ANKRD17: variants seen among roughly 807,000 people sequenced by gnomAD.
ANKRD17 encodes ankyrin repeat domain 17.
In ANKRD17, 19 loss-of-function variants were observed where a neutral mutation model predicts 229.7. That is an observed-to-expected ratio of 0.08 (90% CI 0.06 to 0.12). The LOEUF (loss-of-function observed/expected upper bound fraction) is 0.12, where lower values mean the gene tolerates loss of function less well. Among genes scored for constraint, ANKRD17 ranks in the 10% least tolerant of loss-of-function variants. ANKRD17 has a pLI of 1.00. For synonymous variants in ANKRD17, 1,112 were observed against 1,146.1 expected, an observed-to-expected ratio of 0.97 and a Z score of 0.60; for missense variants, 2,176 against 3,176.8, an observed-to-expected ratio of 0.68 and a Z score of 7.57.
At chr4:73,092,496 C>A (rs1162121846) in intron 28 of ANKRD17, among the ~76,000 whole-genome samples, 196 bp from the exon 29 acceptor site, 4 of 152,082 alleles carry the variant, frequency 2.6e-5, no homozygotes, top group Admixed American at 2.6e-4. Context: ...ACAAACAAAG[C>A]AATAAACTGT....
At chr4:73,239,635 C>A (rs544292250) in intron 1 of ANKRD17, among the ~76,000 whole-genome samples, 22 of 152,110 alleles carry the variant, frequency 1.4e-4, no homozygotes, top group Admixed American at 3.3e-4. Flanking sequence ...CATACACTTA[C>A]AATTTACACC....
At chr4:73,155,254 C>T (rs180805940) in intron 5 of ANKRD17, among the ~76,000 whole-genome samples, 1 of 152,032 alleles carries the variant, frequency 6.6e-6, no homozygotes, top group South Asian at 2.1e-4. Flanking sequence ...CAGTAGGAAA[C>T]AATGAACTAT....
At chr4:73,080,230 T>C (rs1373475319) in intron 30 of ANKRD17, among the ~76,000 whole-genome samples, 2 of 152,080 alleles carry the variant, frequency 1.3e-5, no homozygotes, top group East Asian at 1.9e-4. Flanking sequence ...AGAACTGCAG[T>C]TGAATTCCAA....
chr4:73,105,722 T>A (rs1435406685), intron 24 of ANKRD17, among the ~76,000 whole-genome samples: 1 of 152,204 alleles, frequency 6.6e-6, no homozygotes, highest in African/African-American at 2.4e-5. Context: ...GACCTAAGAT[T>A]TAATTTAAAA....
chr4:73,230,685 C>T (rs983596879), intron 1 of ANKRD17, among the ~76,000 whole-genome samples: 18 of 152,152 alleles, frequency 1.2e-4, no homozygotes, highest in Admixed American at 1.3e-4. Context: ...AGATACAAAA[C>T]GCTTCATCCA....
At chr4:73,096,688 A>C (rs1723337587) in intron 27 of ANKRD17, among the ~76,000 whole-genome samples, 1 of 152,184 alleles carries the variant, frequency 6.6e-6, no homozygotes, top group African/African-American at 2.4e-5. Flanking sequence ...TATTATTTTT[A>C]AAATCCCATG....
At chr4:73,257,540 A>G (rs1459668420) in intron 1 of ANKRD17, among the ~76,000 whole-genome samples, 1 of 152,238 alleles carries the variant, frequency 6.6e-6, no homozygotes, top group Non-Finnish European at 1.5e-5. Flanking sequence ...GAAGGCATGT[A>G]TGTATGTACG....
chr4:73,092,111 A>C lies in ANKRD17; in HGVS notation c.5517T>G (p.Thr1839=). ...TTTGAGATGTTGATGACAGAGCTAC[A>C]GTTGTCATTTTAATTCCCATTAAGG... ...NTSLMGIKMT[T]VALSSTSQTA... is the part of the protein sequence containing the mutation. Residue 1839 remains threonine, a synonymous_variant, in exon 29 of 34, where the codon ACT becomes ACG. Transcript: ENST00000358602. The C allele has an allele frequency of 6.2e-7, 1 of 1,614,206 alleles. No homozygotes were observed. The highest frequency in any genetic ancestry group is 8.5e-7 in the Non-Finnish European group (1 of 1,180,028).
chr4:73,187,253 A>G (rs1736423360), intron 1 of ANKRD17, among the ~76,000 whole-genome samples: 1 of 152,228 alleles, frequency 6.6e-6, no homozygotes, highest in South Asian at 2.1e-4. Context: ...CATTTTCTGA[A>G]TTTAGAGAAA....
chr4:73,142,528 A>C, intron 12 of ANKRD17, 112 bp downstream of exon 12: 3 of 1,584,250 alleles, frequency 1.9e-6, no homozygotes, highest in Non-Finnish European at 2.6e-6. Context: ...AAAAAGGAGA[A>C]AATTTACACT....
intron 30 of ANKRD17, among the ~76,000 whole-genome samples, chr4:73,080,180 C>A (rs1388658194): frequency 5.9e-5 from 9 of 151,862 alleles, no homozygotes; most frequent in Non-Finnish European, 1.3e-4. Context: ...ATAAAGGAGT[C>A]TGAAGCTTAA....
At position 73,134,317 on chromosome 4, in the gene ANKRD17, A is replaced by G. The variant is rs986338330; in HGVS notation, c.3234+800T>C. ...AAAGAAATAATCATATATAAAATTA[A>G]AAGTTTTATAATGTACACACCCCAG... is the stretch of plus-strand genomic sequence containing the variant. On this transcript the variant is annotated intron_variant, in intron 16 of 33. Coordinates refer to ENST00000358602, the MANE Select transcript of ANKRD17 (RefSeq NM_032217.5). Among the ~76,000 whole-genome samples the G allele has an allele frequency of 3.3e-5, 5 of 152,274 alleles. No individual in the cohort carries two copies. In the South Asian group the frequency reaches 6.2e-4, roughly 19 times the overall value.
intron 1 of ANKRD17, among the ~76,000 whole-genome samples, chr4:73,196,782 C>T (rs1013694760): frequency 6.6e-6 from 1 of 152,098 alleles, no homozygotes; most frequent in African/African-American, 2.4e-5. Context: ...TGTTTGCTAT[C>T]TTAGCTTATT....
chr4:73,245,347 C>T (rs888576231), intron 1 of ANKRD17, among the ~76,000 whole-genome samples: 10 of 152,206 alleles, frequency 6.6e-5, no homozygotes, highest in Non-Finnish European at 1.2e-4. Context: ...AGTTCCTAAT[C>T]AACTGACTTT....
At chr4:73,122,246 A>G (rs549045350) in intron 18 of ANKRD17, among the ~76,000 whole-genome samples, 2 of 152,286 alleles carry the variant, frequency 1.3e-5, no homozygotes, top group South Asian at 4.1e-4. Flanking sequence ...TTCACTACCT[A>G]GATTTTAGGT....
At chr4:73,105,180 A>G (rs1035322420) in intron 24 of ANKRD17, among the ~76,000 whole-genome samples, 1 of 152,106 alleles carries the variant, frequency 6.6e-6, no homozygotes, top group African/African-American at 2.4e-5. Flanking sequence ...TTTACATGGC[A>G]CGGAGCTCTA....
chr4:73,122,544 AAACAAT>A (rs1726882458), intron 18 of ANKRD17, among the ~76,000 whole-genome samples: 1 of 152,172 alleles, frequency 6.6e-6, no homozygotes, highest in African/African-American at 2.4e-5. Flanking sequence ...TTTAATGCCT[AAACAAT>A]CCTTTGACAC....
rs1430843955 is a variant in ANKRD17 at position 73,118,796 on chromosome 4, T to C, written c.4080A>G (p.Ala1360=). 4 of 1,613,790 alleles carry C rather than the reference T, an allele frequency of 2.5e-6. No homozygotes were observed. In the Admixed American group the frequency reaches 6.7e-5, roughly 27 times the overall value. The change falls in exon 22 of 34, where the codon GCA becomes GCG. Residue 1360 remains alanine, a synonymous_variant. Coordinates refer to ENST00000358602, the MANE Select transcript of ANKRD17 (RefSeq NM_032217.5). The part of the protein sequence containing the change: ...NKKGNTPLWL[A]ANGGHLDVVQ... The stretch of plus-strand genomic sequence containing the variant: ...CCACATCGAGGTGTCCACCATTTGC[T>C]GCTAGCCACAATGGAGTGTTCCCCT...
In ANKRD17 at chr4:73,077,057, T is replaced by C; in HGVS notation, c.7635A>G (p.Ala2545=). The change falls in exon 33 of 34, where the codon GCA becomes GCG. Residue 2545 remains alanine (A), a synonymous_variant. Transcript: ENST00000358602. ...VYGNAMIPPV[A]PIPDGAGGPI... ...GTCCTCCAGCACCATCAGGGATAGG[T>C]GCTACTGGAGGAATCATTGCATTCC... 1 of 1,612,282 alleles carries C rather than the reference T, an allele frequency of 6.2e-7. No individual in the cohort carries two copies. The highest frequency in any genetic ancestry group is 8.5e-7 in the Non-Finnish European group (1 of 1,179,354).
Sources: gnomAD v4.1 joint callset for allele counts (sites outside exome capture counted in the v4.1 genomes callset) on GRCh38, gnomAD v4.1.1 for gene constraint, MANE v1.5 for transcripts, NCBI Gene and HGNC (gene_info 2026-07-23, HGNC 2026-07-21) for gene names.